DNAH11: variants seen among roughly 807,000 people sequenced by gnomAD.
The protein encoded by DNAH11 is axonemal beta dynein heavy chain 11.
A neutral mutation model predicts 526.0 loss-of-function variants in DNAH11; 442 were observed. The observed-to-expected ratio is 0.84, with a 90% CI of 0.78 to 0.91. The LOEUF is 0.91. Among genes scored for constraint, DNAH11 ranks in the 40% least tolerant of loss-of-function variants. DNAH11 has a pLI of 0.00. For synonymous variants in DNAH11, 2,461 were observed against 1,935.9 expected, an observed-to-expected ratio of 1.27 and a Z score of -7.12; for missense variants, 6,989 against 5,448.7, an observed-to-expected ratio of 1.28 and a Z score of -8.90.
Position 21,620,160 on chromosome 7 carries a change from T to C in DNAH11, c.4500+82T>C. ...ATTGTATATATAGGGTACCATGTGA[T>C]GTTTTGATGTATGTTTACAATGTGG... On this transcript the variant is annotated intron_variant, in intron 25 of 81. Coordinates refer to ENST00000409508, the MANE Select transcript of DNAH11 (RefSeq NM_001277115.2). The C allele has an allele frequency of 4.4e-6, 5 of 1,140,474 alleles. No homozygotes were observed. The South Asian group carries it at 7.6e-5, about 17-fold the overall frequency. 70.6% of individuals were successfully genotyped at this position (1,140,474 alleles called of 1,614,324 possible). A position where few individuals can be genotyped will look rare whatever the true frequency, so the allele number is the denominator to read the frequency against.
rs373830685 is a variant in DNAH11 at position 21,801,221 on chromosome 7, C to G, written c.10111C>G (p.Gln3371Glu). 5.0e-6 allele frequency: 8 copies of G among 1,613,624 alleles called. No homozygotes were observed. In the African/African-American group the frequency reaches 5.3e-5, roughly 11 times the overall value. Residue 3371 changes from glutamine (Q) to glutamate (E), a missense_variant, in exon 62 of 82, where the codon CAA becomes GAA. By Grantham distance (29) the Gln-to-Glu change is conservative. Coordinates refer to ENST00000409508, the MANE Select transcript of DNAH11 (RefSeq NM_001277115.2). ...EKVRCQEEVN[Q>E]TNKTIKLANR... is the part of the protein sequence containing the mutation. ...AGTCCGGTGTCAAGAAGAGGTGAACCAAACCAACAAAACCATCAAATTAGC... is the reference window on the plus strand; with the variant it reads ...AGTCCGGTGTCAAGAAGAGGTGAACGAAACCAACAAAACCATCAAATTAGC...
intron 36 of DNAH11, among the ~76,000 whole-genome samples, chr7:21,700,278 T>C (rs200993365): frequency 1.3e-5 from 2 of 152,214 alleles, no homozygotes; most frequent in East Asian, 3.9e-4. Context: ...ATGTCACAAA[T>C]GAGCAAAAAG....
chr7:21,833,912 C>G (rs995580215), intron 65 of DNAH11, among the ~76,000 whole-genome samples: 8 of 152,072 alleles, frequency 5.3e-5, no homozygotes, highest in Non-Finnish European at 8.8e-5. Context: ...AATAGGGGAC[C>G]TCAGCACCTT....
At chr7:21,685,885 C>T (rs1391853579) in intron 32 of DNAH11, among the ~76,000 whole-genome samples, 1 of 152,180 alleles carries the variant, frequency 6.6e-6, no homozygotes, top group Non-Finnish European at 1.5e-5. Flanking sequence ...CATTTCTGCA[C>T]ATACACCATT....
At chr7:21,789,156 G>A in intron 60 of DNAH11, 85 bp from the exon 61 acceptor site, 2 of 996,122 alleles carry the variant, frequency 2.0e-6, no homozygotes, top group Non-Finnish European at 3.0e-6. Flanking sequence ...ATGAATTAGA[G>A]ATTTTAATTG....
At chr7:21,753,542 GTTA>G (rs1786501836) in intron 54 of DNAH11, among the ~76,000 whole-genome samples, 2 of 152,028 alleles carry the variant, frequency 1.3e-5, no homozygotes, top group Admixed American at 1.3e-4. Flanking sequence ...GAGGTTTCAG[GTTA>G]TTTTTCCCAA....
intron 28 of DNAH11, among the ~76,000 whole-genome samples, chr7:21,651,562 G>A (rs1326115479): frequency 6.6e-6 from 1 of 152,168 alleles, no homozygotes; most frequent in African/African-American, 2.4e-5. Flanking sequence ...AGTCATGACG[G>A]TAGATCAACT....
At position 21,564,330 on chromosome 7, in the gene DNAH11, A is replaced by G; in HGVS notation, c.1127A>G (p.Lys376Arg). Residue 376 changes from lysine to arginine, a missense_variant, in exon 6 of 82, where the codon AAG (lysine) becomes AGG (arginine). Transcript: ENST00000409508. ...ATCTGTCTGATCTGGAGTCATTCCA[A>G]GTTTTATAACACCCCAGCTCGGGTT... The part of the protein sequence containing the change: ...HTICLIWSHS[K>R]FYNTPARVIV... 1 of 1,613,646 alleles carries G rather than the reference A, an allele frequency of 6.2e-7. No homozygotes were observed. The highest frequency in any genetic ancestry group is 8.5e-7 in the Non-Finnish European group (1 of 1,179,762).
Position 21,561,066 on chromosome 7 carries a change from C to G in DNAH11, c.883-5C>G. The stretch of plus-strand genomic sequence containing the variant: ...TAAAGTTCTTCTTTTTTTCCTTTAA[C>G]TTAGCTTCAGGCACCTGTTGTCCTC... On this transcript the variant is annotated splice_polypyrimidine_tract_variant and splice_region_variant and intron_variant, in intron 4 of 81. Coordinates refer to ENST00000409508, the MANE Select transcript of DNAH11 (RefSeq NM_001277115.2). 10 of 1,579,786 alleles carry G rather than the reference C, an allele frequency of 6.3e-6. No homozygotes were observed. The highest frequency in any genetic ancestry group is 8.6e-6 in the Non-Finnish European group (10 of 1,161,766).
chr7:21,624,057 G>A (rs2128455855), intron 25 of DNAH11, among the ~76,000 whole-genome samples: 2 of 151,966 alleles, frequency 1.3e-5, no homozygotes, highest in Admixed American at 1.3e-4. Flanking sequence ...AGCCCTCATG[G>A]TACCTCTTAA....
chr7:21,840,710 C>A (rs976608609), intron 65 of DNAH11, among the ~76,000 whole-genome samples: 5 of 151,928 alleles, frequency 3.3e-5, no homozygotes, highest in African/African-American at 1.2e-4. Flanking sequence ...ATGATTACTA[C>A]GTACCCTTAA....
At chr7:21,858,650 A>G (rs1417194028) in intron 68 of DNAH11, among the ~76,000 whole-genome samples, 1 of 152,210 alleles carries the variant, frequency 6.6e-6, no homozygotes, top group Non-Finnish European at 1.5e-5. Context: ...TTTATGTGAA[A>G]TTATAGAAAA....
At chr7:21,704,310 A>C (rs1784175414) in intron 37 of DNAH11, 124 bp from the exon 38 acceptor site, 1 of 948,828 alleles carries the variant, frequency 1.1e-6, no homozygotes, top group Non-Finnish European at 1.5e-6. Context: ...ATGCCATCTT[A>C]ATGGAGAACA....
chr7:21,887,810 A>G (rs1784179751), intron 76 of DNAH11, among the ~76,000 whole-genome samples: 1 of 152,234 alleles, frequency 6.6e-6, no homozygotes, highest in Non-Finnish European at 1.5e-5. Flanking sequence ...TCTTCTCACT[A>G]TAATCTGGAA....
At chr7:21,766,412 G>A (rs142689525) in intron 55 of DNAH11, among the ~76,000 whole-genome samples, 1 of 152,152 alleles carries the variant, frequency 6.6e-6, no homozygotes, top group Non-Finnish European at 1.5e-5. Context: ...TAAGGTGAAA[G>A]GTTCCTAGAA....
Position 21,635,925 on chromosome 7 carries a change from G to C in DNAH11, c.4555G>C (p.Val1519Leu). The C allele has an allele frequency of 6.2e-7, 1 of 1,613,358 alleles. No individual in the cohort carries two copies. The highest frequency in any genetic ancestry group is 8.5e-7 in the Non-Finnish European group (1 of 1,179,630). Residue 1519 changes from valine (V) to leucine (L), a missense_variant, in exon 26 of 82, where the codon GTG becomes CTG. Coordinates refer to ENST00000409508, the MANE Select transcript of DNAH11 (RefSeq NM_001277115.2). ...GTATGTAGAATATTTCATTGAGCAA[G>C]TGTTAAGCTGGCAAAATAAATTAAA... is the stretch of plus-strand genomic sequence containing the variant. ...SKYVEYFIEQ[V>L]LSWQNKLNIA...
chr7:21,627,563 C>A (rs1229668691), intron 25 of DNAH11, among the ~76,000 whole-genome samples: 6 of 151,988 alleles, frequency 3.9e-5, no homozygotes, highest in African/African-American at 1.5e-4. Context: ...GTTCTTGGCA[C>A]CTTAGTTGAA....
Position 21,899,366 on chromosome 7 carries a change from A to T in DNAH11, c.13080A>T (p.Glu4360Asp). ...WFNDLLLRCRELDTWTQDLTL... is the reference protein window; with the variant it reads ...WFNDLLLRCRDLDTWTQDLTL... ...ATGACCTCCTCCTGCGATGCCGAGA[A>T]CTCGATACTTGGACACAAGACCTTA... The change falls in exon 80 of 82, where the codon GAA (glutamate) becomes GAT (aspartate). Residue 4360 changes from glutamate (E) to aspartate (D), a missense_variant. By Grantham distance (45) the Glu-to-Asp change is conservative. Transcript: ENST00000409508. 6.2e-7 allele frequency: 1 copy of T among 1,613,900 alleles called. No homozygotes were observed. The highest frequency in any genetic ancestry group is 8.5e-7 in the Non-Finnish European group (1 of 1,179,840).
At chr7:21,674,028 TTGTGTGTGTGTGTG>T (rs59263134) in intron 30 of DNAH11, among the ~76,000 whole-genome samples, 10 of 137,252 alleles carry the variant, frequency 7.3e-5, no homozygotes, top group South Asian at 2.5e-4. Flanking sequence ...CTGTTTTGTT[TTGTGTGTGTGTGTG>T]TGTGTGTGTG....
Sources: allele counts gnomAD v4.1 joint callset (sites outside exome capture counted in the v4.1 genomes callset), GRCh38; gene constraint gnomAD v4.1.1; transcripts MANE v1.5; gene names NCBI Gene and HGNC (gene_info 2026-07-23, HGNC 2026-07-21).